RAPGEF4: variants seen among roughly 807,000 people sequenced by gnomAD.
RAPGEF4 encodes Rap guanine nucleotide exchange factor 4, also known as RAP guanine-nucleotide-exchange factor (GEF) 4.
Under a neutral mutation model 147.9 loss-of-function variants are expected in RAPGEF4, and 66 were observed. The ratio of observed to expected loss-of-function variants is 0.45; its 90% CI spans 0.37 to 0.55. The LOEUF (loss-of-function observed/expected upper bound fraction) is 0.55. Among genes scored for constraint, RAPGEF4 ranks in the 20% least tolerant of loss-of-function variants. The probability of loss-of-function intolerance (pLI) is 0.00; values close to 1 mark genes in which losing one functional copy is unlikely to be tolerated. For missense variants in RAPGEF4, 1,071 were observed against 1,257.3 expected (o/e 0.85, Z 2.24); for synonymous variants, 419 against 442.7 (o/e 0.95, Z 0.67).
intron 4 of RAPGEF4, among the ~76,000 whole-genome samples, chr2:172,857,170 G>GCA (rs1491033800): frequency 2.3e-4 from 26 of 115,202 alleles, no homozygotes; most frequent in East Asian, 6.6e-4. Flanking sequence ...GCGCGTGTGC[G>GCA]CGCGCACACA....
At chr2:173,001,469 A>C in intron 17 of RAPGEF4, 125 bp downstream of exon 17, 1 of 1,192,524 alleles carries the variant, frequency 8.4e-7, no homozygotes, top group Non-Finnish European at 1.2e-6. Context: ...TTCCACCCTC[A>C]TCACACTGAA....
chr2:172,780,393 C>A lies in RAPGEF4; in HGVS notation c.66-14632C>A, dbSNP rs116177460. Among the ~76,000 whole-genome samples, 394 of 152,288 alleles carry A rather than the reference C, an allele frequency of 2.6e-3. 1 individual carries two copies. Among genetic ancestry groups the A allele is most frequent in the African/African-American group, 9.2e-3 (381 of 41,560 alleles). On this transcript the variant is annotated intron_variant, in intron 1 of 30. Transcript: ENST00000397081. ...TGTGGGAAGGCAAATCTATGGGAAA[C>A]TAATTGTGATAAAGGCTAGTTAGCA...
At chr2:172,951,052 C>T (rs543313866) in intron 6 of RAPGEF4, among the ~76,000 whole-genome samples, 9 of 152,320 alleles carry the variant, frequency 5.9e-5, no homozygotes, top group African/African-American at 1.9e-4. Flanking sequence ...TAATGAGATC[C>T]CCATGGGCTT....
At chr2:172,810,461 T>G (rs1217238665) in intron 3 of RAPGEF4, among the ~76,000 whole-genome samples, 2 of 152,254 alleles carry the variant, frequency 1.3e-5, no homozygotes, top group Non-Finnish European at 2.9e-5. Flanking sequence ...TGCATGCTGC[T>G]GCACAATGGG....
intron 4 of RAPGEF4, among the ~76,000 whole-genome samples, chr2:172,916,988 G>A (rs1226642146): frequency 6.6e-6 from 1 of 152,178 alleles, no homozygotes; most frequent in Non-Finnish European, 1.5e-5. Context: ...TTCTGAAAGG[G>A]GAGGAGATTG....
chr2:172,902,706 C>A (rs781511517), intron 4 of RAPGEF4, among the ~76,000 whole-genome samples: 1 of 152,152 alleles, frequency 6.6e-6, no homozygotes, highest in Non-Finnish European at 1.5e-5. Flanking sequence ...AGGGCCTAAT[C>A]TGTTATTTGA....
chr2:172,792,992 C>G (rs1213444887), intron 1 of RAPGEF4, among the ~76,000 whole-genome samples: 3 of 152,274 alleles, frequency 2.0e-5, no homozygotes, highest in Middle Eastern at 3.4e-3. Flanking sequence ...ACTTTTTTCT[C>G]TCAGGGTTCT....
intron 4 of RAPGEF4, among the ~76,000 whole-genome samples, chr2:172,911,403 G>A (rs1700080874): frequency 6.6e-6 from 1 of 152,162 alleles, no homozygotes; most frequent in South Asian, 2.1e-4. Context: ...TGGGCAAATG[G>A]CATCAGGTCC....
intron 4 of RAPGEF4, among the ~76,000 whole-genome samples, chr2:172,905,349 C>T (rs1228065155): frequency 2.0e-5 from 3 of 152,224 alleles, no homozygotes; most frequent in Non-Finnish European, 4.4e-5. Context: ...CCCCAGCAGG[C>T]ATGCAGTCAA....
intron 30 of RAPGEF4, among the ~76,000 whole-genome samples, chr2:173,050,382 T>C (rs568525615): frequency 7.1e-6 from 1 of 140,620 alleles, no homozygotes; most frequent in East Asian, 3.2e-4. Context: ...GATGAGTTTC[T>C]TCTCACAGGG....
At chr2:172,834,014 A>C (rs555171849) in intron 4 of RAPGEF4, among the ~76,000 whole-genome samples, 1 of 152,366 alleles carries the variant, frequency 6.6e-6, no homozygotes, top group South Asian at 2.1e-4. Flanking sequence ...CAAATTAGTT[A>C]GTTCTTGGAT....
At chr2:172,882,852 A>G (rs1033401350) in intron 4 of RAPGEF4, among the ~76,000 whole-genome samples, 2 of 152,212 alleles carry the variant, frequency 1.3e-5, no homozygotes, top group Admixed American at 1.3e-4. Flanking sequence ...AACTGCTGTT[A>G]GGAAGACATG....
At chr2:172,823,967 AGG>A (rs1417879922) in intron 4 of RAPGEF4, among the ~76,000 whole-genome samples, 1 of 152,198 alleles carries the variant, frequency 6.6e-6, no homozygotes, top group Non-Finnish European at 1.5e-5. Context: ...CCTTGCTGAC[AGG>A]AGTGGTCACA....
intron 4 of RAPGEF4, among the ~76,000 whole-genome samples, chr2:172,905,564 C>G (rs1338908285): frequency 6.6e-6 from 1 of 152,194 alleles, no homozygotes; most frequent in East Asian, 1.9e-4. Context: ...GCATCTCTAA[C>G]AGGGGGCTTT....
At position 173,052,141 on chromosome 2, in the gene RAPGEF4, G is replaced by A. The variant is rs1686310273; in HGVS notation, c.*374G>A. ...TCTAAGAGTGTTTATGGGATGAGATGTGCTACAAATGGGATAGATTTGGAT... is the reference window on the plus strand; with the variant it reads ...TCTAAGAGTGTTTATGGGATGAGATATGCTACAAATGGGATAGATTTGGAT... On this transcript the variant is annotated 3_prime_UTR_variant, in exon 31 of 31. Transcript: ENST00000397081. The A allele has an allele frequency of 6.3e-6, 1 of 158,312 alleles. No individual in the cohort carries two copies. Among genetic ancestry groups the A allele is most frequent in the African/African-American group, 2.4e-5 (1 of 41,732 alleles). 9.8% of individuals were successfully genotyped at this position (158,312 alleles called of 1,614,324 possible). A position where few individuals can be genotyped will look rare whatever the true frequency, so the allele number is the denominator to read the frequency against.
chr2:172,950,051 T>G (rs528433142), intron 6 of RAPGEF4, among the ~76,000 whole-genome samples: 10 of 152,344 alleles, frequency 6.6e-5, no homozygotes, highest in African/African-American at 2.4e-4. Context: ...ATAAATTTGT[T>G]CTCTATACTT....
intron 25 of RAPGEF4, 144 bp from the exon 26 acceptor site, chr2:173,030,020 T>C (rs2105971141): frequency 1.8e-6 from 1 of 570,564 alleles, no homozygotes; most frequent in Non-Finnish European, 3.1e-6. Context: ...AAGTGGAACT[T>C]TTACAGTACA....
intron 6 of RAPGEF4, among the ~76,000 whole-genome samples, chr2:172,930,255 G>T (rs1334270469): frequency 2.0e-5 from 3 of 152,144 alleles, no homozygotes; most frequent in Non-Finnish European, 4.4e-5. Flanking sequence ...CCCTTTCAAA[G>T]TTATAAAAAC....
rs1575258641 is a variant in RAPGEF4, at chr2:172,924,717, C to T, written c.537+2417C>T. ...TGGTGTTAATTGAAAATGTTTATTT[C>T]GTAGGAGACAAGTTGTATTATGATG... On this transcript the variant is annotated intron_variant, in intron 6 of 30. Coordinates refer to ENST00000397081, the MANE Select transcript of RAPGEF4 (RefSeq NM_007023.4). Among the ~76,000 whole-genome samples the T allele has an allele frequency of 4.6e-5, 7 of 152,246 alleles. No homozygotes were observed. In the East Asian group the frequency reaches 1.2e-3, roughly 25 times the overall value.
Sources: allele counts gnomAD v4.1 joint callset (sites outside exome capture counted in the v4.1 genomes callset), GRCh38; gene constraint gnomAD v4.1.1; transcripts MANE v1.5; gene names NCBI Gene and HGNC (gene_info 2026-07-23, HGNC 2026-07-21).